Variants in TUSC3 observed in about 807,000 individuals in gnomAD.
The protein encoded by TUSC3 is dolichyl-diphosphooligosaccharide--protein glycosyltransferase subunit TUSC3.
In TUSC3, 45 loss-of-function variants were observed where a neutral mutation model predicts 44.8. The ratio of observed to expected loss-of-function variants is 1.00; its 90% CI spans 0.79 to 1.29. The LOEUF is 1.29. Among genes scored for constraint, TUSC3 ranks in the 50% most tolerant of loss-of-function variants. The pLI, the probability that TUSC3 is intolerant of heterozygous loss-of-function variation, is 0.00. For missense variants in TUSC3, 519 were observed against 437.9 expected (o/e 1.19, Z -1.65); for synonymous variants, 212 against 152.9 (o/e 1.39, Z -2.85).
chr8:15,713,579 C>T (rs1318991872), intron 6 of TUSC3, among the ~76,000 whole-genome samples: 1 of 152,132 alleles, frequency 6.6e-6, no homozygotes, highest in African/African-American at 2.4e-5. Context: ...ACGAAGCCTA[C>T]ACACATCCGA....
chr8:15,569,676 G>T (rs1444065112), intron 1 of TUSC3, among the ~76,000 whole-genome samples: 2 of 152,128 alleles, frequency 1.3e-5, no homozygotes, highest in East Asian at 1.9e-4. Context: ...GGGACATCTC[G>T]TTACGTGAGT....
the TUSC3 span, among the ~76,000 whole-genome samples, chr8:15,832,023 T>A: frequency 6.6e-6 from 1 of 152,000 alleles, no homozygotes; most frequent in African/African-American, 2.4e-5. Flanking sequence ...GAAAAAACAG[T>A]ATGTTGAAGG....
chr8:15,509,156 C>G (rs1321698815), intron 2 of TUSC3, among the ~76,000 whole-genome samples: 5 of 152,194 alleles, frequency 3.3e-5, no homozygotes, highest in Admixed American at 6.5e-5. Flanking sequence ...TTTTGCTCTG[C>G]TAAGAATCCA....
At chr8:15,527,621 T>C (rs1487603725) in intron 2 of TUSC3, among the ~76,000 whole-genome samples, 1 of 152,204 alleles carries the variant, frequency 6.6e-6, no homozygotes, top group South Asian at 2.1e-4. Flanking sequence ...ACCAGGCTGT[T>C]CTGAAATGCC....
At chr8:15,537,725 G>C (rs967296626), upstream of TUSC3, among the ~76,000 whole-genome samples, 1 of 152,132 alleles carries the variant, frequency 6.6e-6, no homozygotes, top group Non-Finnish European at 1.5e-5. Context: ...ACAGCTTTGA[G>C]GCTCTGAAAA....
At chr8:15,461,887 G>A (rs1357380906) in intron 1 of TUSC3, among the ~76,000 whole-genome samples, 13 of 151,594 alleles carry the variant, frequency 8.6e-5, no homozygotes, top group South Asian at 4.2e-4. Flanking sequence ...ACTAAACTAC[G>A]TATAAAAAAA....
downstream of TUSC3, among the ~76,000 whole-genome samples, chr8:15,770,888 A>C (rs149073475): frequency 6.6e-6 from 1 of 152,216 alleles, no homozygotes; most frequent in Admixed American, 6.5e-5. Flanking sequence ...AATCTGAAAA[A>C]AGACATGAAG....
intron 2 of TUSC3, among the ~76,000 whole-genome samples, chr8:15,515,001 T>G (rs1377554919): frequency 6.6e-6 from 1 of 152,168 alleles, no homozygotes; most frequent in East Asian, 1.9e-4. Context: ...GTGTTTAATT[T>G]TGGTTGGAGA....
chr8:15,459,388 CATT>C (rs1800309543), intron 1 of TUSC3, among the ~76,000 whole-genome samples: 1 of 151,462 alleles, frequency 6.6e-6, no homozygotes, highest in African/African-American at 2.4e-5. Context: ...TTTTTTTTGA[CATT>C]AATTTTTTTT....
chr8:15,654,834 T>G (rs1282897046), intron 3 of TUSC3, among the ~76,000 whole-genome samples: 1 of 152,118 alleles, frequency 6.6e-6, no homozygotes, highest in Non-Finnish European at 1.5e-5. Flanking sequence ...TTTCATTAAA[T>G]GGAGATAGAG....
At chr8:15,570,321 T>A (rs1319494725) in intron 1 of TUSC3, among the ~76,000 whole-genome samples, 4 of 150,748 alleles carry the variant, frequency 2.7e-5, no homozygotes, top group African/African-American at 9.7e-5. Flanking sequence ...GAAACACATC[T>A]AATTGAATGT....
chr8:15,428,409 G>C (rs1379452619), intron 1 of TUSC3, among the ~76,000 whole-genome samples: 1 of 151,780 alleles, frequency 6.6e-6, no homozygotes, highest in Non-Finnish European at 1.5e-5. Flanking sequence ...TTGCTATTGT[G>C]AATAGTGCCG....
At chr8:15,500,376 G>T (rs954966264) in intron 2 of TUSC3, among the ~76,000 whole-genome samples, 1 of 151,994 alleles carries the variant, frequency 6.6e-6, no homozygotes, top group Non-Finnish European at 1.5e-5. Flanking sequence ...ACCACCAAAG[G>T]TCCCATAGAC....
intron 1 of TUSC3, among the ~76,000 whole-genome samples, chr8:15,417,673 A>G (rs1010976535): frequency 3.3e-5 from 5 of 152,212 alleles, no homozygotes; most frequent in Admixed American, 3.3e-4. Flanking sequence ...TCACATGTGA[A>G]GATGCTGAGC....
At chr8:15,846,582 T>C in the TUSC3 span, among the ~76,000 whole-genome samples, 16,061 of 152,002 alleles carry the variant, frequency 0.11, 1,427 homozygotes, top group East Asian at 0.21. Context: ...CTGGAAACCA[T>C]CATTTTCAGC....
intron 6 of TUSC3, among the ~76,000 whole-genome samples, chr8:15,700,409 A>G (rs1809346635): frequency 6.6e-6 from 1 of 152,166 alleles, no homozygotes; most frequent in African/African-American, 2.4e-5. Flanking sequence ...GAGACTAGCT[A>G]TAATCATAAT....
intron 7 of TUSC3, among the ~76,000 whole-genome samples, chr8:15,735,263 C>T (rs573838334): frequency 9.4e-5 from 10 of 106,306 alleles, no homozygotes; most frequent in Admixed American, 5.2e-4. Flanking sequence ...TGGAGAGTGA[C>T]TCAGCTGCTG....
At chr8:15,788,974 T>C in the TUSC3 span, among the ~76,000 whole-genome samples, 62 of 152,318 alleles carry the variant, frequency 4.1e-4, no homozygotes, top group African/African-American at 1.5e-3. Flanking sequence ...ATTGGCAAGC[T>C]ACGCCTCCCC....
At chr8:15,826,217 T>C in the TUSC3 span, among the ~76,000 whole-genome samples, 1 of 152,174 alleles carries the variant, frequency 6.6e-6, no homozygotes, top group African/African-American at 2.4e-5. Flanking sequence ...ATGGCATATT[T>C]GGCTGCAGTG....
Sources: allele counts gnomAD v4.1 joint callset (sites outside exome capture counted in the v4.1 genomes callset), GRCh38; gene constraint gnomAD v4.1.1; transcripts MANE v1.5; gene names NCBI Gene and HGNC (gene_info 2026-07-23, HGNC 2026-07-21).